The following MED16 variants were observed in gnomAD, a reference collection of about 807,000 sequenced individuals.
The protein encoded by MED16 is mediator of RNA polymerase II transcription subunit 16.
A neutral mutation model predicts 84.4 loss-of-function variants in MED16; 81 were observed. The ratio of observed to expected loss-of-function variants is 0.96; its 90% confidence interval spans 0.80 to 1.15. The LOEUF is 1.15. Ranked by LOEUF, MED16 falls within the 50% of genes most tolerant of loss-of-function variation. MED16 has a pLI of 0.00. For missense variants in MED16, 1,585 were observed against 1,245.9 expected, an observed-to-expected ratio of 1.27 and a Z score of -4.10; for synonymous variants, 897 against 552.2, an observed-to-expected ratio of 1.62 and a Z score of -8.76.
At chr19:880,272 A>AG in intron 7 of MED16, 124 bp from the exon 8 acceptor site, 1 of 839,804 alleles carries the variant, frequency 1.2e-6, no homozygotes, top group Non-Finnish European at 1.7e-6. Flanking sequence ...AGCCCCCGCC[A>AG]ATCGGCATCC....
rs1471055928 is a variant in MED16 at position 885,010 on chromosome 19, T to C, written c.880-2A>G. ...CTGGCTGGACGCGCACAAAAGCACCTGCGGGGGAGGTGGGGGTGAGGGCTG... is the reference window on the plus strand; with the variant it reads ...CTGGCTGGACGCGCACAAAAGCACCCGCGGGGGAGGTGGGGGTGAGGGCTG... On this transcript the variant is annotated splice_acceptor_variant, in intron 5 of 15. Coordinates refer to ENST00000325464, the MANE Select transcript of MED16 (RefSeq NM_005481.3). LOFTEE classifies it high-confidence loss of function. 1.9e-6 allele frequency: 3 copies of C among 1,592,754 alleles called. No individual in the cohort carries two copies. Among genetic ancestry groups the C allele is most frequent in the Non-Finnish European group, 2.6e-6 (3 of 1,173,718 alleles).
chr19:870,719 G>A (rs532865215), intron 13 of MED16, among the ~76,000 whole-genome samples: 90 of 151,992 alleles, frequency 5.9e-4, no homozygotes, highest in African/African-American at 2.0e-3. Context: ...GAACATGGAG[G>A]GAAGGAGCCG....
intron 8 of MED16, among the ~76,000 whole-genome samples, chr19:879,434 C>A (rs879697284): frequency 1.5e-5 from 1 of 68,452 alleles, no homozygotes; most frequent in Admixed American, 1.6e-4. Flanking sequence ...CCAACCCCAG[C>A]CCCACGTGCC....
chr19:887,332 T>C (rs1249544850), intron 4 of MED16, among the ~76,000 whole-genome samples: 1 of 152,096 alleles, frequency 6.6e-6, no homozygotes, highest in Admixed American at 6.6e-5. Context: ...TGTCTGAGAC[T>C]ATGTTAAAGG....
Position 875,262 on chromosome 19 carries a change from T to A in MED16, c.1753A>T (p.Thr585Ser). 1 of 1,610,858 alleles carries A rather than the reference T, an allele frequency of 6.2e-7. No individual in the cohort carries two copies. The highest frequency in any genetic ancestry group is 1.1e-5 in the South Asian group (1 of 90,986). ...SPGDRLTEIC[T>S]KITDVDIDKV... ...GACCCACCGACGTCGGTGATCTTGGTGCAGATCTCGGTCAGCCGGTCGCCG... is the reference window on the plus strand; with the variant it reads ...GACCCACCGACGTCGGTGATCTTGGAGCAGATCTCGGTCAGCCGGTCGCCG... The change falls in exon 10 of 16, where the codon ACC becomes TCC. Residue 585 changes from threonine (T) to serine (S), a missense_variant. Coordinates refer to ENST00000325464, the MANE Select transcript of MED16 (RefSeq NM_005481.3).
chr19:877,033 G>A lies in MED16; in HGVS notation c.1501C>T (p.Gln501Ter), dbSNP rs762212133. 7 of 1,612,468 alleles carry A rather than the reference G, an allele frequency of 4.3e-6. No individual in the cohort carries two copies. The highest frequency in any genetic ancestry group is 1.1e-5 in the South Asian group (1 of 91,084). Reference sequence around the variant, plus strand: ...TCGTGCAGCTTCTCCACCAGGCTCTGTACCATACTGGGCTGCACGTGCAGC... The same window carrying A: ...TCGTGCAGCTTCTCCACCAGGCTCTATACCATACTGGGCTGCACGTGCAGC... ...ILLHVQPSMV[Q>*]SLVEKLHEEY... The change falls in exon 9 of 16, where the codon CAG (glutamine) becomes TAG (stop). Residue 501 changes from glutamine to a stop codon, truncating the protein, a stop_gained. Transcript: ENST00000325464. LOFTEE classifies it high-confidence loss of function.
intron 12 of MED16, chr19:871,705 C>T (rs778559911): frequency 2.5e-5 from 34 of 1,339,678 alleles, no homozygotes; most frequent in Non-Finnish European, 3.1e-5. Flanking sequence ...CTGCCACCTG[C>T]AGGGGCTTAT....
At chr19:868,543 G>A in intron 14 of MED16, 44 bp from the exon 15 acceptor site, 2 of 1,600,608 alleles carry the variant, frequency 1.2e-6, no homozygotes, top group Middle Eastern at 1.7e-4. Flanking sequence ...TTCCAGGCGG[G>A]CCTCCCTTAC....
chr19:870,452 T>C (rs1463158287), intron 13 of MED16, among the ~76,000 whole-genome samples: 1 of 150,528 alleles, frequency 6.6e-6, no homozygotes, highest in Non-Finnish European at 1.5e-5. Context: ...TCCCAGCTAC[T>C]GGGAAGGCTG....
At position 885,938 on chromosome 19, in the gene MED16, C is replaced by T. The variant is rs141522921; in HGVS notation, c.711G>A (p.Ser237=). 39 of 1,612,830 alleles carry T rather than the reference C, an allele frequency of 2.4e-5. No homozygotes were observed. The highest frequency in any genetic ancestry group is 8.0e-5 in the African/African-American group (6 of 74,938). The change falls in exon 5 of 16, where the codon TCG becomes TCA. Residue 237 remains serine (S), a synonymous_variant. Transcript: ENST00000325464. ...VVATADGSSA[S]PVQFYKVCVS... ...CGCACACCTTGTAGAACTGCACGGGCGACGCGCTGCTGCCGTCCGCCGTGG... is the reference window on the plus strand; with the variant it reads ...CGCACACCTTGTAGAACTGCACGGGTGACGCGCTGCTGCCGTCCGCCGTGG...
intron 10 of MED16, among the ~76,000 whole-genome samples, chr19:874,103 G>A (rs916137399): frequency 1.3e-5 from 2 of 152,080 alleles, no homozygotes; most frequent in Non-Finnish European, 2.9e-5. Flanking sequence ...GGGTACTCCA[G>A]ACAAACGATA....
intron 1 of MED16, among the ~76,000 whole-genome samples, chr19:891,478 G>A (rs2036630635): frequency 6.6e-6 from 1 of 152,196 alleles, no homozygotes; most frequent in Non-Finnish European, 1.5e-5. Context: ...CGGAGGGTCT[G>A]CGCTGGCCCA....
At chr19:871,280 A>G (rs1402532382) in intron 12 of MED16, 27 bp from the exon 13 acceptor site, 4 of 1,520,146 alleles carry the variant, frequency 2.6e-6, no homozygotes, top group Non-Finnish European at 3.5e-6. Flanking sequence ...CGGAAGTCTC[A>G]GCACCCCTGA....
chr19:889,801 C>T lies in MED16; in HGVS notation c.284G>A (p.Arg95Gln), dbSNP rs778243329. 1.7e-5 allele frequency: 27 copies of T among 1,610,194 alleles called. No homozygotes were observed. Among genetic ancestry groups the T allele is most frequent in the Non-Finnish European group, 2.3e-5 (27 of 1,178,874 alleles). ...TCLEWDQSGS[R>Q]LLSADADGQI... The stretch of plus-strand genomic sequence containing the variant: ...CCCGTCGGCATCTGCTGACAGGAGC[C>T]GGGAGCCTGAGGGCAAGAAGCCATC... The change falls in exon 4 of 16, where the codon CGG (arginine) becomes CAG (glutamine). Residue 95 changes from arginine (R) to glutamine (Q), a missense_variant. By Grantham distance (43) the Arg-to-Gln change is conservative. Transcript: ENST00000325464.
chr19:876,964 G>GGGGCCCCACCTGCCACA lies in MED16; in HGVS notation c.1560+9_1560+10insTGTGGCAGGTGGGGCCC, dbSNP rs761329578. On this transcript the variant is annotated intron_variant, in intron 9 of 15. Coordinates refer to ENST00000325464, the MANE Select transcript of MED16 (RefSeq NM_005481.3). Reference sequence around the variant, plus strand: ...CCTGCCACGGGGCCCCACCTGCCACGGGCCCCCACCTGCTGCAGGGCAGCG... The same window carrying GGGGCCCCACCTGCCACA: ...CCTGCCACGGGGCCCCACCTGCCACGGGGCCCCACCTGCCACAGGCCCCCACCTGCTGCAGGGCAGCG... 80 of 1,598,914 alleles carry GGGGCCCCACCTGCCACA rather than the reference G, an allele frequency of 5.0e-5. No homozygotes were observed. Among genetic ancestry groups the GGGGCCCCACCTGCCACA allele is most frequent in the Middle Eastern group, 3.8e-4 (2 of 5,250 alleles).
intron 4 of MED16, among the ~76,000 whole-genome samples, chr19:887,749 G>C (rs191632722): frequency 6.6e-6 from 1 of 152,282 alleles, no homozygotes; most frequent in Admixed American, 6.5e-5. Context: ...ATCACGCTCA[G>C]TAAGAGATGC....
rs531292263 is a variant in MED16, at chr19:890,414, C to A, written c.170-170G>T. On this transcript the variant is annotated intron_variant, in intron 2 of 15. Coordinates refer to ENST00000325464, the MANE Select transcript of MED16 (RefSeq NM_005481.3). Reference sequence around the variant, plus strand: ...GGAACAGGCTGTCCCCCCGCAGGAACAGAGCAGGCCTGTGAGGCGCCACAA... The same window carrying A: ...GGAACAGGCTGTCCCCCCGCAGGAAAAGAGCAGGCCTGTGAGGCGCCACAA... 1.4e-3 allele frequency: 735 copies of A among 532,954 alleles called. 4 individuals carry two copies. Among genetic ancestry groups the A allele is most frequent in the South Asian group, 0.011 (396 of 36,662 alleles). The allele number at this position is 532,954 out of a possible 1,614,324, so 33.0% of individuals were successfully genotyped here.
Position 877,061 on chromosome 19 carries a change from G to A in MED16, c.1473C>T (p.Ile491=), listed in dbSNP as rs758345250. The change falls in exon 9 of 16, where the codon ATC becomes ATT. Residue 491 remains isoleucine (I), a synonymous_variant. Coordinates refer to ENST00000325464, the MANE Select transcript of MED16 (RefSeq NM_005481.3). The part of the protein sequence containing the change: ...CMVTGYDWWD[I]LLHVQPSMVQ... ...CCATACTGGGCTGCACGTGCAGCAG[G>A]ATGTCCCACCAGTCGTAGCCGGTCA... 3.8e-5 allele frequency: 61 copies of A among 1,612,496 alleles called. 1 individual carries two copies. In the South Asian group the frequency reaches 6.1e-4, roughly 16 times the overall value.
rs1370054608 is a variant in MED16, at chr19:877,085, C to G, written c.1449G>C (p.Val483=). Reference sequence around the variant, plus strand: ...GGATGTCCCACCAGTCGTAGCCGGTCACCATGCAGTACTCCAGCAGGAAGA... The same window carrying G: ...GGATGTCCCACCAGTCGTAGCCGGTGACCATGCAGTACTCCAGCAGGAAGA... ...HLLFLLEYCM[V]TGYDWWDILL... The change falls in exon 9 of 16, where the codon GTG becomes GTC. Residue 483 remains valine (V), a synonymous_variant. Transcript: ENST00000325464. 6.2e-7 allele frequency: 1 copy of G among 1,612,756 alleles called. No individual in the cohort carries two copies. The highest frequency in any genetic ancestry group is 1.7e-5 in the Admixed American group (1 of 60,014).
Sources: allele counts gnomAD v4.1 joint callset (sites outside exome capture counted in the v4.1 genomes callset), GRCh38; gene constraint gnomAD v4.1.1; transcripts MANE v1.5; gene names NCBI Gene and HGNC (gene_info 2026-07-23, HGNC 2026-07-21).